RPL31: variants seen among roughly 807,000 people sequenced by gnomAD.
RPL31 encodes the protein ribosomal protein L31, also known as large ribosomal subunit protein eL31.
For synonymous variants in RPL31, 51 were observed against 55.0 expected, an observed-to-expected ratio of 0.93 and a Z score of 0.32; for missense variants, 95 against 164.0, an observed-to-expected ratio of 0.58 and a Z score of 2.30.
In RPL31 at chr2:101,004,162, T is replaced by C; in HGVS notation, c.112T>C (p.Phe38Leu). 6.2e-7 allele frequency: 1 copy of C among 1,613,668 alleles called. No homozygotes were observed. Among genetic ancestry groups the C allele is most frequent in the Non-Finnish European group, 8.5e-7 (1 of 1,179,788 alleles). The change falls in exon 3 of 5, where the codon TTC (phenylalanine) becomes CTC (leucine). Residue 38 changes from phenylalanine to leucine, a missense_variant. Phe to Leu is a conservative substitution (Grantham distance 22, BLOSUM62 0). Coordinates refer to ENST00000264258, the MANE Select transcript of RPL31 (RefSeq NM_000993.5). ...TCACTTATGTTTGAATCGTAGGGGC[T>C]TCAAGAAGCGTGCACCTCGGGCACT... ...NIHKRIHGVG[F>L]KKRAPRALKE...
At chr2:101,019,354 T>C (rs1679884540) in exon 5 of RPL31, 1 of 228,744 alleles carries the variant, frequency 4.4e-6, no homozygotes, top group Admixed American at 5.4e-5. Context: ...AGTATGTCTG[T>C]CCCACCTTTA....
At chr2:101,005,656 G>T in intron 3 of RPL31, 1 of 326,312 alleles carries the variant, frequency 3.1e-6, no homozygotes, top group South Asian at 4.7e-5. Flanking sequence ...AGTTTCTGGT[G>T]ATAGACAAAA....
downstream of RPL31, among the ~76,000 whole-genome samples, chr2:101,010,669 G>A (rs1193903903): frequency 1.3e-5 from 2 of 151,914 alleles, no homozygotes; most frequent in Non-Finnish European, 2.9e-5. Context: ...CAGATCACAA[G>A]GTGAGAAGTT....
chr2:101,004,405 A>AT, intron 3 of RPL31, 122 bp downstream of exon 3: 3 of 1,047,468 alleles, frequency 2.9e-6, no homozygotes, highest in Non-Finnish European at 4.1e-6. Flanking sequence ...AAAAAAAAAA[A>AT]ATACTGTGAC....
intron 1 of RPL31, 182 bp downstream of exon 1, chr2:101,002,497 G>T: frequency 1.6e-6 from 1 of 609,428 alleles, no homozygotes; most frequent in Non-Finnish European, 3.0e-6. Context: ...CAGGCTTAGG[G>T]GAGCCGGAGC....
chr2:101,017,230 A>T (rs1679718924), intron 4 of RPL31, among the ~76,000 whole-genome samples: 1 of 152,094 alleles, frequency 6.6e-6, no homozygotes, highest in Non-Finnish European at 1.5e-5. Flanking sequence ...TGCCTTCTGG[A>T]ATAGCGCCTG....
Position 101,002,827 on chromosome 2 carries a change from G to T in RPL31, c.107+19G>T, listed in dbSNP as rs1392769010. 2 of 1,574,560 alleles carry T rather than the reference G, an allele frequency of 1.3e-6. No homozygotes were observed. Among genetic ancestry groups the T allele is most frequent in the Middle Eastern group, 1.7e-4 (1 of 5,970 alleles). On this transcript the variant is annotated intron_variant, in intron 2 of 4. Transcript: ENST00000264258. ...ATGGAGTGTGAGTATCCCTCTAGCC[G>T]CCCTGGGTCTCGAACTCACGCGTCT...
downstream of RPL31, among the ~76,000 whole-genome samples, chr2:101,011,889 C>A (rs1197739927): frequency 6.6e-6 from 1 of 152,142 alleles, no homozygotes; most frequent in Non-Finnish European, 1.5e-5. Context: ...ACATAAAGTA[C>A]TCTAGAAATA....
intron 4 of RPL31, among the ~76,000 whole-genome samples, chr2:101,013,602 T>C (rs1247104163): frequency 6.6e-6 from 1 of 152,256 alleles, no homozygotes; most frequent in Non-Finnish European, 1.5e-5. Flanking sequence ...CTCCAACAGA[T>C]ACCACCAGCA....
At chr2:101,009,228 C>A (rs1678988745), downstream of RPL31, among the ~76,000 whole-genome samples, 1 of 151,910 alleles carries the variant, frequency 6.6e-6, no homozygotes, top group Admixed American at 6.6e-5. Flanking sequence ...CATGGTGAAA[C>A]CCTGTCTCTA....
chr2:101,007,604 A>C, downstream of RPL31: 1 of 547,380 alleles, frequency 1.8e-6, no homozygotes, highest in Non-Finnish European at 3.2e-6. Flanking sequence ...GTTGGCATCA[A>C]GGGAACCAAT....
rs1019202906 is a variant in RPL31 at position 101,018,662 on chromosome 2, A to C, written c.347-336A>C. ...TAAAATAGCATATTCCCTGAATCTC[A>C]GAGTTCGCAGAAGGAACTCATGATG... On this transcript the variant is annotated intron_variant, in intron 4 of 4. Transcript: ENST00000409028. Among the ~76,000 whole-genome samples the C allele has an allele frequency of 6.6e-4, 100 of 152,250 alleles. 1 individual carries two copies. The highest frequency in any genetic ancestry group is 2.1e-3 in the African/African-American group (89 of 41,466).
downstream of RPL31, chr2:101,011,554 G>A: frequency 6.2e-7 from 1 of 1,613,604 alleles, no homozygotes; most frequent in Non-Finnish European, 8.5e-7. Context: ...AAAAAAAGAT[G>A]AGAGGTTTAA....
In RPL31 at chr2:101,006,722, C is replaced by CAACT. The variant is rs1678754031; in HGVS notation, c.*342_*345dup. ...ATTGACATCTTAACATTTTAGGAAA[C>CAACT]AACTTTAAAATGATATACTATCTAT... On this transcript the variant is annotated 3_prime_UTR_variant, in exon 5 of 5. Coordinates refer to ENST00000264258, the MANE Select transcript of RPL31 (RefSeq NM_000993.5). The CAACT allele has an allele frequency of 4.0e-6, 1 of 250,630 alleles. No individual in the cohort carries two copies. The highest frequency in any genetic ancestry group is 5.3e-5 in the Admixed American group (1 of 18,710). The allele number at this position is 250,630 out of a possible 1,614,324, so 15.5% of individuals were successfully genotyped here.
intron 4 of RPL31, among the ~76,000 whole-genome samples, chr2:101,012,425 G>C (rs1315475666): frequency 1.3e-5 from 2 of 152,226 alleles, no homozygotes; most frequent in African/African-American, 4.8e-5. Flanking sequence ...CATCATGCTA[G>C]GTGAGAGAAG....
chr2:101,011,492 A>C, downstream of RPL31: 1 of 1,613,912 alleles, frequency 6.2e-7, no homozygotes, highest in Non-Finnish European at 8.5e-7. Flanking sequence ...TGTTGACAAC[A>C]GAGGATTCCT....
intron 4 of RPL31, among the ~76,000 whole-genome samples, chr2:101,016,273 A>G (rs1464025544): frequency 6.6e-6 from 1 of 152,234 alleles, no homozygotes; most frequent in African/African-American, 2.4e-5. Context: ...GGATATGAAC[A>G]GACACTTCTC....
downstream of RPL31, chr2:101,008,323 CATT>C (rs776878133): frequency 2.9e-6 from 4 of 1,391,710 alleles, no homozygotes; most frequent in East Asian, 4.8e-5. Flanking sequence ...GTGGAAGTGT[CATT>C]TTTTTTTTTA....
chr2:101,010,664 C>G (rs1679134967), downstream of RPL31, among the ~76,000 whole-genome samples: 1 of 151,946 alleles, frequency 6.6e-6, no homozygotes, highest in Non-Finnish European at 1.5e-5. Flanking sequence ...GTGGGCAGAT[C>G]ACAAGGTGAG....
Sources: allele counts gnomAD v4.1 joint callset (sites outside exome capture counted in the v4.1 genomes callset), GRCh38; gene constraint gnomAD v4.1.1; transcripts MANE v1.5; gene names NCBI Gene and HGNC (gene_info 2026-07-23, HGNC 2026-07-21).